The following SPTB variants were observed in gnomAD, a reference collection of about 807,000 sequenced individuals.
The protein encoded by SPTB is spectrin beta, erythrocytic.
In SPTB, 45 loss-of-function variants were observed where a neutral mutation model predicts 256.2. That is an observed-to-expected ratio of 0.18 (90% CI 0.14 to 0.23). SPTB has a LOEUF of 0.23. SPTB is among the 10% of genes least tolerant of loss of function. The pLI is 1.00. For missense variants in SPTB, 2,715 were observed against 3,040.4 expected, an observed-to-expected ratio of 0.89 and a Z score of 2.52; for synonymous variants, 1,231 against 1,243.1, an observed-to-expected ratio of 0.99 and a Z score of 0.21.
intron 1 of SPTB, among the ~76,000 whole-genome samples, chr14:64,857,635 T>C (rs1055418095): frequency 2.1e-5 from 3 of 140,838 alleles, no homozygotes; most frequent in African/African-American, 7.9e-5. Context: ...TTGGGGTGAA[T>C]GGGAACAGCT....
chr14:64,796,510 C>A lies in SPTB; in HGVS notation c.1341+47G>T. 2 of 1,613,426 alleles carry A rather than the reference C, an allele frequency of 1.2e-6. No homozygotes were observed. The highest frequency in any genetic ancestry group is 1.7e-6 in the Non-Finnish European group (2 of 1,179,908). ...CCAGCCCAGCCAAGAGCTGGGGGCTCTGAAGAATGTCCCCTCTCCTGTCAC... is the reference window on the plus strand; with the variant it reads ...CCAGCCCAGCCAAGAGCTGGGGGCTATGAAGAATGTCCCCTCTCCTGTCAC... On this transcript the variant is annotated intron_variant, in intron 11 of 35. Transcript: ENST00000644917. This position sits in a 1 kb window ranked among gnomAD's most constrained non-coding sequence, Gnocchi z 4.1.
At chr14:64,789,444 C>T (rs995937436) in intron 15 of SPTB, among the ~76,000 whole-genome samples, 1 of 152,042 alleles carries the variant, frequency 6.6e-6, no homozygotes, top group African/African-American at 2.4e-5. Flanking sequence ...TATAATCCAT[C>T]AAGTGGTGAT....
In SPTB at chr14:64,785,625, T is replaced by C; in HGVS notation, c.3767A>G (p.His1256Arg). 1.9e-6 allele frequency: 3 copies of C among 1,614,108 alleles called. No individual in the cohort carries two copies. Among genetic ancestry groups the C allele is most frequent in the Non-Finnish European group, 2.5e-6 (3 of 1,180,010 alleles). ...KEKVQLIEDR[H>R]RKNNEKAQEA... ...CTGGGCCTTCTCGTTGTTCTTCCTGTGCCTGGAAAGGAAGCCAAAAGCACA... is the reference window on the plus strand; with the variant it reads ...CTGGGCCTTCTCGTTGTTCTTCCTGCGCCTGGAAAGGAAGCCAAAAGCACA... The change falls in exon 18 of 36, where the codon CAC becomes CGC. Residue 1256 changes from histidine (H) to arginine (R), a missense_variant and splice_region_variant. By Grantham distance (29) the His-to-Arg change is conservative (BLOSUM62 0). Around this residue, in one of 4 missense-constraint regions of SPTB, gnomAD observed 2,239 missense variants for 2,384.4 expected, o/e 0.94. Coordinates refer to ENST00000644917, the MANE Select transcript of SPTB (RefSeq NM_001355436.2). The surrounding 1 kb of genome is among the most constrained non-coding windows in gnomAD (Gnocchi z 4.4).
At chr14:64,871,429 T>C (rs1882525453) in intron 1 of SPTB, among the ~76,000 whole-genome samples, 2 of 152,222 alleles carry the variant, frequency 1.3e-5, no homozygotes, top group Admixed American at 6.5e-5. Flanking sequence ...GAGTTTGGAT[T>C]TCTACCTCTA....
At position 64,777,739 on chromosome 14, in the gene SPTB, G is replaced by C. The variant is rs1192078355; in HGVS notation, c.4563+1418C>G. On this transcript the variant is annotated intron_variant, in intron 22 of 35. Coordinates refer to ENST00000644917, the MANE Select transcript of SPTB (RefSeq NM_001355436.2). This position sits in a 1 kb window ranked among gnomAD's most constrained non-coding sequence, Gnocchi z 4.5. Reference sequence around the variant, plus strand: ...TGCATATTGGAGTTTGACAACCATTGCAACAGAGGGTTTTAGGTGAGGAAA... The same window carrying C: ...TGCATATTGGAGTTTGACAACCATTCCAACAGAGGGTTTTAGGTGAGGAAA... Among the ~76,000 whole-genome samples, 1 of 152,212 alleles carries C rather than the reference G, an allele frequency of 6.6e-6. No homozygotes were observed. The highest frequency in any genetic ancestry group is 1.5e-5 in the Non-Finnish European group (1 of 68,050).
rs528247875 is a variant in SPTB at position 64,823,416 on chromosome 14, C to A, written c.-51-271G>T. ...ACGGCCAGCAGGTGGAGACGTCAGT[C>A]GCAGCCAGCTGCTTCCTCCAGACCA... On this transcript the variant is annotated intron_variant, in intron 1 of 35. Transcript: ENST00000644917. The surrounding 1 kb of genome is among the most constrained non-coding windows in gnomAD (Gnocchi z 6.5). Among the ~76,000 whole-genome samples, 24 of 152,320 alleles carry A rather than the reference C, an allele frequency of 1.6e-4. No homozygotes were observed. Among genetic ancestry groups the A allele is most frequent in the African/African-American group, 5.5e-4 (23 of 41,562 alleles).
chr14:64,766,387 A>C, intron 32 of SPTB: 1 of 1,333,698 alleles, frequency 7.5e-7, no homozygotes, highest in African/African-American at 1.5e-5. Flanking sequence ...AAATGCACTA[A>C]TCATCTCTGG....
intron 1 of SPTB, among the ~76,000 whole-genome samples, chr14:64,851,016 C>T (rs1243947996): frequency 1.3e-5 from 2 of 152,190 alleles, no homozygotes; most frequent in African/African-American, 4.8e-5. Context: ...GACACAACTT[C>T]CCAGGTAACA....
At chr14:64,848,101 G>A (rs1210277461) in intron 1 of SPTB, among the ~76,000 whole-genome samples, 1 of 152,190 alleles carries the variant, frequency 6.6e-6, no homozygotes, top group Admixed American at 6.5e-5. Flanking sequence ...GAAGTTTTAT[G>A]TTTCACTTTC....
chr14:64,781,161 T>A (rs1275376635), intron 20 of SPTB, among the ~76,000 whole-genome samples: 2 of 152,204 alleles, frequency 1.3e-5, no homozygotes, highest in Non-Finnish European at 2.9e-5. Context: ...GACATAGGAA[T>A]GGGCAAAGAT....
intron 2 of SPTB, among the ~76,000 whole-genome samples, chr14:64,810,329 C>T (rs116133830): frequency 0.015 from 2,274 of 152,190 alleles, 67 homozygotes; most frequent in African/African-American, 0.053. Context: ...ACCTCATACT[C>T]CAGGATAAAT....
Position 64,749,881 on chromosome 14 carries a change from G to T in SPTB, c.6776+100C>A. The T allele has an allele frequency of 6.5e-7, 1 of 1,540,060 alleles. No homozygotes were observed. The highest frequency in any genetic ancestry group is 9.0e-7 in the Non-Finnish European group (1 of 1,114,196). ...TGATTTGAAAAACCCCTGAGGAGCAGCTCAGGCCTGGCACTGGTCCCCTAC... is the reference window on the plus strand; with the variant it reads ...TGATTTGAAAAACCCCTGAGGAGCATCTCAGGCCTGGCACTGGTCCCCTAC... On this transcript the variant is annotated intron_variant, in intron 34 of 35. Coordinates refer to ENST00000644917, the MANE Select transcript of SPTB (RefSeq NM_001355436.2). This position sits in a 1 kb window ranked among gnomAD's most constrained non-coding sequence, Gnocchi z 4.7.
rs1427789873 is a variant in SPTB at position 64,852,323 on chromosome 14, T to A, written c.-52+27469A>T. Reference sequence around the variant, plus strand: ...AAGGATGGAAGAAACAGCCTGGAGATCCTGGGAAACTGCTACCAGTTCAGA... The same window carrying A: ...AAGGATGGAAGAAACAGCCTGGAGAACCTGGGAAACTGCTACCAGTTCAGA... On this transcript the variant is annotated intron_variant, in intron 1 of 35. Coordinates refer to ENST00000644917, the MANE Select transcript of SPTB (RefSeq NM_001355436.2). This position sits in a 1 kb window ranked among gnomAD's most constrained non-coding sequence, Gnocchi z 4.2. Among the ~76,000 whole-genome samples the A allele has an allele frequency of 6.6e-6, 1 of 152,072 alleles. No homozygotes were observed. The highest frequency in any genetic ancestry group is 2.4e-5 in the African/African-American group (1 of 41,460).
intron 1 of SPTB, among the ~76,000 whole-genome samples, chr14:64,863,537 C>T (rs1481527866): frequency 6.6e-6 from 1 of 152,140 alleles, no homozygotes; most frequent in African/African-American, 2.4e-5. Flanking sequence ...TAGCCAATGA[C>T]CTCTTTGTTT....
At position 64,854,274 on chromosome 14, in the gene SPTB, CTTTTT is replaced by C. The variant is rs1206368948; in HGVS notation, c.-52+25513_-52+25517del. On this transcript the variant is annotated intron_variant, in intron 1 of 35. Transcript: ENST00000644917. ...AAAACAGTCAATAGTTTTCCAAACT[CTTTTT>C]TTTTTTTTTTTTTTTTTGAGATGGA... is the stretch of plus-strand genomic sequence containing the variant. Among the ~76,000 whole-genome samples the C allele has an allele frequency of 8.2e-5, 6 of 73,282 alleles. 1 individual carries two copies. The highest frequency in any genetic ancestry group is 1.3e-3 in the South Asian group (2 of 1,546). 48.1% of individuals were successfully genotyped at this position (73,282 alleles called of 152,430 possible). A position where few individuals can be genotyped will look rare whatever the true frequency, so the allele number is the denominator to read the frequency against.
Position 64,764,022 on chromosome 14 carries a change from A to G in SPTB, c.6345+2704T>C. ...CCCCCAGCAGGAAGCCGACATGCAC[A>G]GTGAGGGATTGTACATGAAGCAACA... On this transcript the variant is annotated intron_variant, in intron 32 of 35. Transcript: ENST00000644917. This position sits in a 1 kb window ranked among gnomAD's most constrained non-coding sequence, Gnocchi z 4.2. 6.6e-6 allele frequency among the ~76,000 whole-genome samples: 1 copy of G among 152,186 alleles called. No individual in the cohort carries two copies. The highest frequency in any genetic ancestry group is 1.9e-4 in the East Asian group (1 of 5,196).
Position 64,816,542 on chromosome 14 carries a change from C to A in SPTB, c.148+6405G>T, listed in dbSNP as rs532263335. ...TATAGTTCCCAGCAAATCTTCATAG[C>A]AAATTTGTCATAATTTGCTATGCAC... On this transcript the variant is annotated intron_variant, in intron 2 of 35. Coordinates refer to ENST00000644917, the MANE Select transcript of SPTB (RefSeq NM_001355436.2). This position sits in a 1 kb window ranked among gnomAD's most constrained non-coding sequence, Gnocchi z 4.2. 7.2e-5 allele frequency among the ~76,000 whole-genome samples: 11 copies of A among 152,234 alleles called. No individual in the cohort carries two copies. In the East Asian group the frequency reaches 1.9e-3, roughly 27 times the overall value.
Position 64,813,587 on chromosome 14 carries a change from T to C in SPTB, c.149-8497A>G, listed in dbSNP as rs987617526. Among the ~76,000 whole-genome samples the C allele has an allele frequency of 2.0e-5, 3 of 152,342 alleles. No individual in the cohort carries two copies. In the South Asian group the frequency reaches 6.2e-4, roughly 32 times the overall value. ...CCCAGACCGGAGTGCAGTGGTGCGATCTTGGCTCACTGCAACCTCTGCCTC... is the reference window on the plus strand; with the variant it reads ...CCCAGACCGGAGTGCAGTGGTGCGACCTTGGCTCACTGCAACCTCTGCCTC... On this transcript the variant is annotated intron_variant, in intron 2 of 35. Coordinates refer to ENST00000644917, the MANE Select transcript of SPTB (RefSeq NM_001355436.2).
At chr14:64,836,397 A>G (rs1484860334) in intron 1 of SPTB, among the ~76,000 whole-genome samples, 1 of 152,198 alleles carries the variant, frequency 6.6e-6, no homozygotes, top group Non-Finnish European at 1.5e-5. Flanking sequence ...TATGAAAATA[A>G]TGTATAAACT....
Sources: gnomAD v4.1 joint callset for allele counts (sites outside exome capture counted in the v4.1 genomes callset) on GRCh38, gnomAD v4.1.1 for gene constraint, gnomAD v4.1.1 regional missense constraint, Gnocchi (gnomAD v3.1) non-coding constraint, MANE v1.5 for transcripts, NCBI Gene and HGNC (gene_info 2026-07-23, HGNC 2026-07-21) for gene names.